The following SFRP1 variants were observed in gnomAD, a reference collection of about 807,000 sequenced individuals.
The protein encoded by SFRP1 is secreted frizzled-related protein 1.
A neutral mutation model predicts 25.9 loss-of-function variants in SFRP1; 9 were observed. The ratio of observed to expected loss-of-function variants is 0.35; its 90% CI spans 0.21 to 0.61. The LOEUF (loss-of-function observed/expected upper bound fraction) is 0.61, where lower values mean the gene tolerates loss of function less well. Among genes scored for constraint, SFRP1 ranks in the 20% least tolerant of loss-of-function variants. The probability of loss-of-function intolerance (pLI) is 0.78; values close to 1 mark genes in which losing one functional copy is unlikely to be tolerated. For missense variants in SFRP1, 346 were observed against 418.2 expected, an observed-to-expected ratio of 0.83 and a Z score of 1.51; for synonymous variants, 178 against 174.0, an observed-to-expected ratio of 1.02 and a Z score of -0.18.
chr8:41,305,074 A>G (rs1163907263), intron 1 of SFRP1, among the ~76,000 whole-genome samples: 3 of 152,194 alleles, frequency 2.0e-5, no homozygotes, highest in African/African-American at 4.8e-5. Context: ...TTGCTTCCAC[A>G]TGGGGAAAAG....
chr8:41,271,957 C>G (rs553849776), intron 2 of SFRP1, among the ~76,000 whole-genome samples: 1 of 151,674 alleles, frequency 6.6e-6, no homozygotes, highest in Non-Finnish European at 1.5e-5. Context: ...AGAGTGAGAC[C>G]CTGCCTCAAA....
intron 1 of SFRP1, among the ~76,000 whole-genome samples, chr8:41,304,103 C>T (rs1333834736): frequency 2.0e-5 from 3 of 152,032 alleles, no homozygotes; most frequent in South Asian, 2.1e-4. Context: ...CCAGGGCAGG[C>T]GGGCGGGGTG....
At chr8:41,284,158 GAAT>G (rs1554523550) in intron 2 of SFRP1, among the ~76,000 whole-genome samples, 1 of 152,196 alleles carries the variant, frequency 6.6e-6, no homozygotes, top group Non-Finnish European at 1.5e-5. Flanking sequence ...GAGAATCCAA[GAAT>G]AATAAGAAAG....
Position 41,309,270 on chromosome 8 carries a change from A to C in SFRP1, c.-111T>G. The C allele has an allele frequency of 1.7e-6, 2 of 1,169,328 alleles. No individual in the cohort carries two copies. Among genetic ancestry groups the C allele is most frequent in the Non-Finnish European group, 2.1e-6 (2 of 937,394 alleles). The allele number at this position is 1,169,328 out of a possible 1,614,324, so 72.4% of individuals were successfully genotyped here. ...TCCGGGGACAAAAGGCGCAGTCCCC[A>C]GCGTTGCCCGGCTCCGCGGCCGCAA... On this transcript the variant is annotated 5_prime_UTR_variant, in exon 1 of 3. Coordinates refer to ENST00000220772, the MANE Select transcript of SFRP1 (RefSeq NM_003012.5).
At chr8:41,269,356 G>A (rs1803474286) in intron 2 of SFRP1, among the ~76,000 whole-genome samples, 1 of 152,102 alleles carries the variant, frequency 6.6e-6, no homozygotes, top group Non-Finnish European at 1.5e-5. Flanking sequence ...AGAATTCAGA[G>A]ACCCAGAAAC....
At chr8:41,286,338 C>T (rs1004873760) in intron 2 of SFRP1, among the ~76,000 whole-genome samples, 11 of 152,324 alleles carry the variant, frequency 7.2e-5, no homozygotes, top group African/African-American at 2.4e-4. Context: ...GAGGCAGGGG[C>T]GGTTCCCGCT....
chr8:41,275,399 T>C (rs952903461), intron 2 of SFRP1: 5 of 236,458 alleles, frequency 2.1e-5, no homozygotes, highest in Middle Eastern at 1.8e-3. Context: ...CCTAAGAGAC[T>C]TGCTTTTTCC....
chr8:41,283,553 T>TA (rs937251176), intron 2 of SFRP1, among the ~76,000 whole-genome samples: 192 of 141,702 alleles, frequency 1.4e-3, no homozygotes, highest in African/African-American at 3.5e-3. Flanking sequence ...TTATAGAAAC[T>TA]AAAAAAAAAA....
chr8:41,277,982 A>G (rs1308014806), intron 2 of SFRP1, among the ~76,000 whole-genome samples: 1 of 152,170 alleles, frequency 6.6e-6, no homozygotes, highest in Non-Finnish European at 1.5e-5. Flanking sequence ...CTTGAGAACC[A>G]CTGGTTTAAA....
At chr8:41,306,974 G>A in intron 1 of SFRP1, 1 of 1,485,508 alleles carries the variant, frequency 6.7e-7, no homozygotes. Context: ...AGCCCCCTAA[G>A]GTGTCCACTC....
chr8:41,299,650 G>A (rs570511490), intron 2 of SFRP1, among the ~76,000 whole-genome samples: 83 of 119,932 alleles, frequency 6.9e-4, no homozygotes, highest in African/African-American at 2.6e-3. Flanking sequence ...CAGGTAGAGC[G>A]AGACTTAGTC....
intron 2 of SFRP1, among the ~76,000 whole-genome samples, chr8:41,286,340 G>A (rs1803701197): frequency 6.6e-6 from 1 of 152,226 alleles, no homozygotes; most frequent in Non-Finnish European, 1.5e-5. Context: ...GGCAGGGGCG[G>A]TTCCCGCTCA....
In SFRP1 at chr8:41,309,260, C is replaced by T. The variant is rs1377765050; in HGVS notation, c.-101G>A. On this transcript the variant is annotated 5_prime_UTR_variant, in exon 1 of 3. Transcript: ENST00000220772. ...TCCAGGGACCTCCGGGGACAAAAGGCGCAGTCCCCAGCGTTGCCCGGCTCC... is the reference window on the plus strand; with the variant it reads ...TCCAGGGACCTCCGGGGACAAAAGGTGCAGTCCCCAGCGTTGCCCGGCTCC... 2.5e-6 allele frequency: 3 copies of T among 1,212,804 alleles called. No individual in the cohort carries two copies. Among genetic ancestry groups the T allele is most frequent in the African/African-American group, 3.2e-5 (2 of 62,924 alleles). The allele number at this position is 1,212,804 out of a possible 1,614,324, so 75.1% of individuals were successfully genotyped here.
intron 2 of SFRP1, among the ~76,000 whole-genome samples, chr8:41,283,700 T>C (rs1803663852): frequency 6.6e-6 from 1 of 151,766 alleles, no homozygotes; most frequent in Non-Finnish European, 1.5e-5. Context: ...GTAGCTGGGA[T>C]TACAGGCACC....
intron 2 of SFRP1, among the ~76,000 whole-genome samples, chr8:41,301,695 A>G (rs866857181): frequency 1.3e-5 from 2 of 152,254 alleles, no homozygotes; most frequent in African/African-American, 4.8e-5. Context: ...ACTGGATAAG[A>G]TGACCTCTGA....
intron 2 of SFRP1, among the ~76,000 whole-genome samples, chr8:41,285,569 A>C (rs990205895): frequency 6.6e-6 from 1 of 152,210 alleles, no homozygotes; most frequent in Non-Finnish European, 1.5e-5. Flanking sequence ...ATGCGGCTGC[A>C]GTAAGGCAGG....
At chr8:41,306,816 AG>A in intron 1 of SFRP1, 1 of 1,598,002 alleles carries the variant, frequency 6.3e-7, no homozygotes, top group Non-Finnish European at 8.5e-7. Flanking sequence ...AAGGGGCAAA[AG>A]GTGTCCGGAA....
intron 2 of SFRP1, among the ~76,000 whole-genome samples, chr8:41,286,887 A>G (rs181235773): frequency 6.1e-4 from 93 of 152,332 alleles, no homozygotes; most frequent in Non-Finnish European, 2.9e-4. Flanking sequence ...TCTGGAGAGA[A>G]GCCAGTGGCC....
intron 2 of SFRP1, among the ~76,000 whole-genome samples, chr8:41,302,155 T>C (rs758741616): frequency 6.6e-6 from 1 of 152,260 alleles, no homozygotes; most frequent in African/African-American, 2.4e-5. Context: ...ACTGATGAAT[T>C]TGAGTTAATG....
Sources: gnomAD v4.1 joint callset for allele counts (sites outside exome capture counted in the v4.1 genomes callset) on GRCh38, gnomAD v4.1.1 for gene constraint, MANE v1.5 for transcripts, NCBI Gene and HGNC (gene_info 2026-07-23, HGNC 2026-07-21) for gene names.